SRBD1: variants seen among roughly 807,000 people sequenced by gnomAD.
SRBD1 encodes the protein S1 RNA-binding domain-containing protein 1.
In SRBD1, 88 loss-of-function variants were observed where a neutral mutation model predicts 115.3. That is an observed-to-expected ratio of 0.76 (90% CI 0.64 to 0.91). The LOEUF (loss-of-function observed/expected upper bound fraction) is 0.91. Among genes scored for constraint, SRBD1 ranks in the 40% least tolerant of loss-of-function variants. The probability of loss-of-function intolerance (pLI) is 0.00; values close to 1 mark genes in which losing one functional copy is unlikely to be tolerated. For synonymous variants in SRBD1, 509 were observed against 407.7 expected (o/e 1.25, Z -2.99); for missense variants, 1,385 against 1,177.4 (o/e 1.18, Z -2.58).
intron 4 of SRBD1, among the ~76,000 whole-genome samples, chr2:45,594,942 A>G (rs1673847272): frequency 6.6e-6 from 1 of 152,148 alleles, no homozygotes; most frequent in African/African-American, 2.4e-5. Flanking sequence ...TTTATCTGTT[A>G]TTTTTCTATT....
intron 19 of SRBD1, among the ~76,000 whole-genome samples, chr2:45,401,390 T>C (rs1667288590): frequency 6.6e-6 from 1 of 152,334 alleles, no homozygotes; most frequent in East Asian, 1.9e-4. Context: ...TCTAATATTG[T>C]CTAGCCATAG....
intron 14 of SRBD1, among the ~76,000 whole-genome samples, chr2:45,536,941 A>G (rs367843024): frequency 5.1e-4 from 77 of 152,346 alleles, no homozygotes; most frequent in South Asian, 1.5e-3. Flanking sequence ...GAAACACATC[A>G]CAACCCAGTA....
chr2:45,569,418 T>C (rs1484652187), intron 9 of SRBD1: 3 of 152,090 alleles, frequency 2.0e-5, no homozygotes, highest in Non-Finnish European at 4.4e-5. Flanking sequence ...AGCCCAGAAA[T>C]CCTAGACTCA....
At chr2:45,392,687 A>G (rs1174950714) in intron 20 of SRBD1, among the ~76,000 whole-genome samples, 1 of 152,248 alleles carries the variant, frequency 6.6e-6, no homozygotes, top group East Asian at 1.9e-4. Flanking sequence ...ACAGCAGTAC[A>G]TGCATGATGC....
chr2:45,438,482 A>G (rs1233868555), intron 16 of SRBD1, among the ~76,000 whole-genome samples: 1 of 152,228 alleles, frequency 6.6e-6, no homozygotes, highest in African/African-American at 2.4e-5. Flanking sequence ...CAGGACTTAA[A>G]GGCAAATATG....
chr2:45,581,689 T>G lies in SRBD1; in HGVS notation c.933+4A>C. On this transcript the variant is annotated splice_donor_region_variant and intron_variant, in intron 6 of 20. Coordinates refer to ENST00000263736, the MANE Select transcript of SRBD1 (RefSeq NM_018079.5). ...TACATTAAAAGATAAAAAGGATTCC[T>G]TACCACGTGTTCTAGTTCTTCAAAA... 1 of 1,608,602 alleles carries G rather than the reference T, an allele frequency of 6.2e-7. No individual in the cohort carries two copies.
chr2:45,501,863 G>A (rs891784382), intron 14 of SRBD1, among the ~76,000 whole-genome samples: 3 of 152,180 alleles, frequency 2.0e-5, no homozygotes, highest in African/African-American at 7.2e-5. Context: ...ACCTCTGGGG[G>A]CAGGGCACAG....
intron 19 of SRBD1, among the ~76,000 whole-genome samples, chr2:45,403,977 A>G (rs1667358732): frequency 6.6e-6 from 1 of 152,184 alleles, no homozygotes; most frequent in Non-Finnish European, 1.5e-5. Flanking sequence ...TGAAGAATGT[A>G]AAAATGAATA....
chr2:45,561,836 T>C (rs1340377406), intron 10 of SRBD1, among the ~76,000 whole-genome samples: 1 of 152,194 alleles, frequency 6.6e-6, no homozygotes, highest in Non-Finnish European at 1.5e-5. Context: ...CCTTAAAATA[T>C]CTAATAAATT....
chr2:45,478,150 C>T (rs1669859923), intron 15 of SRBD1, among the ~76,000 whole-genome samples: 1 of 152,122 alleles, frequency 6.6e-6, no homozygotes, highest in Non-Finnish European at 1.5e-5. Context: ...TTTCAAAACA[C>T]ATGGAAGCTA....
At chr2:45,448,380 A>G (rs1004780649) in intron 16 of SRBD1, among the ~76,000 whole-genome samples, 3 of 152,208 alleles carry the variant, frequency 2.0e-5, no homozygotes, top group African/African-American at 7.2e-5. Context: ...TATGATCACC[A>G]TGACCATTAC....
intron 19 of SRBD1, among the ~76,000 whole-genome samples, chr2:45,393,971 T>C (rs1313717438): frequency 1.3e-5 from 2 of 152,294 alleles, no homozygotes; most frequent in Middle Eastern, 3.4e-3. Flanking sequence ...TCAAATTCCG[T>C]AACAGTTGAG....
At chr2:45,564,641 A>T (rs993133081) in intron 9 of SRBD1, among the ~76,000 whole-genome samples, 1 of 152,220 alleles carries the variant, frequency 6.6e-6, no homozygotes, top group African/African-American at 2.4e-5. Context: ...TCCATTTATG[A>T]TACCACCAAA....
rs1572780260 is a variant in SRBD1 at position 45,562,715 on chromosome 2, C to T, written c.1347G>A (p.Thr449=). ...CTCCATCAGAAATATTGACCTTAAC[C>T]GTCAGTACCTTCAAATTTTCTCCAC... ...INRGENLKVL[T]VKVNISDGVK... is the part of the protein sequence containing the mutation. The change falls in exon 10 of 21, where the codon ACG becomes ACA. Residue 449 remains threonine (T), a synonymous_variant. Transcript: ENST00000263736. 5.0e-6 allele frequency: 8 copies of T among 1,612,424 alleles called. No individual in the cohort carries two copies. The highest frequency in any genetic ancestry group is 1.7e-4 in the Middle Eastern group (1 of 6,054).
intron 4 of SRBD1, among the ~76,000 whole-genome samples, chr2:45,587,528 G>T (rs961767858): frequency 6.6e-6 from 1 of 152,112 alleles, no homozygotes; most frequent in African/African-American, 2.4e-5. Flanking sequence ...AGATCTGACA[G>T]AAACTGGGGT....
intron 6 of SRBD1, among the ~76,000 whole-genome samples, chr2:45,580,797 G>A (rs1673336542): frequency 7.3e-6 from 1 of 137,286 alleles, no homozygotes; most frequent in Non-Finnish European, 1.5e-5. Flanking sequence ...GCAATTCTCC[G>A]CCTCAGCCAC....
At chr2:45,586,490 T>TTC (rs1251225520) in intron 4 of SRBD1, among the ~76,000 whole-genome samples, 1 of 152,220 alleles carries the variant, frequency 6.6e-6, no homozygotes, top group Non-Finnish European at 1.5e-5. Flanking sequence ...CTTCTATATC[T>TTC]TTTGAATTTT....
chr2:45,609,440 T>C (rs1674376345), intron 1 of SRBD1, among the ~76,000 whole-genome samples: 2 of 152,220 alleles, frequency 1.3e-5, no homozygotes, highest in Non-Finnish European at 2.9e-5. Flanking sequence ...ACTTCCACTC[T>C]TGCCCCTGCA....
At chr2:45,410,045 CA>C (rs1232060122) in intron 19 of SRBD1, among the ~76,000 whole-genome samples, 3 of 151,928 alleles carry the variant, frequency 2.0e-5, no homozygotes, top group Admixed American at 2.0e-4. Flanking sequence ...TTAAAACCCC[CA>C]AAACTCAATA....
Sources: gnomAD v4.1 joint callset for allele counts (sites outside exome capture counted in the v4.1 genomes callset) on GRCh38, gnomAD v4.1.1 for gene constraint, MANE v1.5 for transcripts, NCBI Gene and HGNC (gene_info 2026-07-23, HGNC 2026-07-21) for gene names.